Variants in LRCH2 observed in about 807,000 individuals in gnomAD.
LRCH2 encodes the protein leucine rich repeats and calponin homology domain containing 2.
LRCH2 carries 38 observed loss-of-function variants against 68.9 expected under a neutral mutation model. The observed-to-expected ratio is 0.55, with a 90% CI of 0.43 to 0.72. The LOEUF (loss-of-function observed/expected upper bound fraction) is 0.72, where lower values mean the gene tolerates loss of function less well. LRCH2 is among the 30% of genes least tolerant of loss of function. LRCH2 has a pLI of 0.00. For missense variants in LRCH2, 528 were observed against 572.9 expected (o/e 0.92, Z 0.80); for synonymous variants, 191 against 208.1 (o/e 0.92, Z 0.71).
chrX:115,214,551 T>A (rs1224744255), intron 1 of LRCH2, among the ~76,000 whole-genome samples: 1 of 112,269 alleles, frequency 8.9e-6, no homozygotes, highest in Non-Finnish European at 1.9e-5. Flanking sequence ...AATTAAAATT[T>A]TAACCATAAG....
rs782569379 is a variant in LRCH2 at position 115,113,226 on chromosome X, G to T, written c.2288C>A (p.Ser763Tyr). The change falls in exon 21 of 21, where the codon TCT (serine) becomes TAT (tyrosine). Residue 763 changes from serine to tyrosine, a missense_variant. Physicochemically the swap from Ser to Tyr is moderately radical, Grantham distance 144. Coordinates refer to ENST00000317135, the MANE Select transcript of LRCH2 (RefSeq NM_020871.4). ...TTTTAAAATGTTATATTAAGCCACA[G>T]AAAGCTGAGATGCCTTGGTTGTTGG... is the stretch of plus-strand genomic sequence containing the variant. ...ELPTTKASQLSVA is the reference protein window; with the variant it reads ...ELPTTKASQLYVA The T allele has an allele frequency of 3.4e-6, 4 of 1,191,440 alleles. No individual in the cohort carries two copies. The Admixed American group carries it at 8.9e-5, about 27-fold the overall frequency.
chrX:115,192,443 C>T, intron 1 of LRCH2: 1 of 1,168,198 alleles, frequency 8.6e-7, no homozygotes, highest in Non-Finnish European at 1.1e-6. Context: ...CACGACAGAT[C>T]CAGCAACAGT....
At chrX:115,190,756 T>G (rs1556558079) in intron 1 of LRCH2, 4 of 1,164,720 alleles carry the variant, frequency 3.4e-6, no homozygotes, top group Non-Finnish European at 4.6e-6. Context: ...CGGGGGCCGC[T>G]CCACTGATGC....
chrX:115,187,299 T>C (rs1271958827), intron 2 of LRCH2, among the ~76,000 whole-genome samples: 2 of 112,044 alleles, frequency 1.8e-5, no homozygotes, highest in Non-Finnish European at 3.8e-5. Flanking sequence ...TTTAGACAAG[T>C]AACTTGGTTA....
Position 115,233,956 on chromosome X carries a change from C to A in LRCH2, c.86G>T (p.Gly29Val), listed in dbSNP as rs1556579422. 4.3e-6 allele frequency: 5 copies of A among 1,164,406 alleles called. No homozygotes were observed. Among genetic ancestry groups the A allele is most frequent in the Non-Finnish European group, 5.7e-6 (5 of 871,417 alleles). The change falls in exon 1 of 21, where the codon GGA becomes GTA. Residue 29 changes from glycine to valine, a missense_variant. By Grantham distance (109) the Gly-to-Val change is moderately radical. Coordinates refer to ENST00000317135, the MANE Select transcript of LRCH2 (RefSeq NM_020871.4). Reference sequence around the variant, plus strand: ...CCCTCCAGCCCCGCCACCTCCCCCTCCAGCCGTGCCACAGCCACCGCTACT... The same window carrying A: ...CCCTCCAGCCCCGCCACCTCCCCCTACAGCCGTGCCACAGCCACCGCTACT... Reference protein sequence around the residue: ...GGSSGGCGTAGGGGGGAGGGG... With the variant: ...GGSSGGCGTAVGGGGGAGGGG...
intron 5 of LRCH2, among the ~76,000 whole-genome samples, chrX:115,174,874 G>A (rs2072635282): frequency 9.0e-6 from 1 of 111,373 alleles, no homozygotes; most frequent in South Asian, 3.8e-4. Context: ...ATGACTGGTG[G>A]CTGGGAGCTC....
At position 115,119,239 on chromosome X, in the gene LRCH2, G is replaced by A. The variant is rs2072112925; in HGVS notation, c.2178+3288C>T. 2.7e-5 allele frequency among the ~76,000 whole-genome samples: 3 copies of A among 110,196 alleles called. No homozygotes were observed. In the South Asian group the frequency reaches 1.2e-3, roughly 43 times the overall value. On this transcript the variant is annotated intron_variant, in intron 20 of 20. Coordinates refer to ENST00000317135, the MANE Select transcript of LRCH2 (RefSeq NM_020871.4). ...AGAGGAAGTCAAATTGTCCCTGTTT[G>A]CAGACCACATGATTGTATATCTAGA...
intron 1 of LRCH2, chrX:115,190,565 A>G: frequency 8.9e-7 from 1 of 1,124,154 alleles, no homozygotes; most frequent in Non-Finnish European, 1.2e-6. Flanking sequence ...AGTTCCAGTA[A>G]CGGTTACAGC....
chrX:115,191,713 G>C (rs1556559914), intron 1 of LRCH2: 1 of 1,162,615 alleles, frequency 8.6e-7, no homozygotes, highest in Non-Finnish European at 1.1e-6. Context: ...CCGCTTGCCT[G>C]ACGCCTACAG....
chrX:115,163,698 A>G lies in LRCH2; in HGVS notation c.1441T>C (p.Leu481=), dbSNP rs1556543092. The change falls in exon 11 of 21, where the codon TTG becomes CTG. Residue 481 remains leucine, a synonymous_variant. Coordinates refer to ENST00000317135, the MANE Select transcript of LRCH2 (RefSeq NM_020871.4). Reference sequence around the variant, plus strand: ...TACCTGTTCTTCTGTTCTTGCTGCAATAACTGAGCAGCTATTTTCCTCAAA... The same window carrying G: ...TACCTGTTCTTCTGTTCTTGCTGCAGTAACTGAGCAGCTATTTTCCTCAAA... ...TDLRKIAAQL[L]QQEQKNRILN... The G allele has an allele frequency of 3.3e-6, 4 of 1,196,371 alleles. No homozygotes were observed. The highest frequency in any genetic ancestry group is 6.0e-5 in the East Asian group (2 of 33,566).
intron 15 of LRCH2, among the ~76,000 whole-genome samples, chrX:115,129,184 A>T (rs2072222773): frequency 9.0e-6 from 1 of 111,468 alleles, no homozygotes. Flanking sequence ...GAGAGGCTTC[A>T]GCAGGTACAC....
chrX:115,112,993 T>C lies in LRCH2; in HGVS notation c.*223A>G, dbSNP rs1556523126. On this transcript the variant is annotated 3_prime_UTR_variant, in exon 21 of 21. Transcript: ENST00000317135. ...ATCAACTGACTTAGTAAAAAGAGAA[T>C]TTGAGTTTATCAAATACTCTTATTA... 3 of 252,589 alleles carry C rather than the reference T, an allele frequency of 1.2e-5. No individual in the cohort carries two copies. The highest frequency in any genetic ancestry group is 1.4e-5 in the Non-Finnish European group (2 of 140,927). 20.8% of individuals were successfully genotyped at this position (252,589 alleles called of 1,213,427 possible).
chrX:115,190,058 G>A (rs782365393), intron 1 of LRCH2: 3 of 1,154,934 alleles, frequency 2.6e-6, no homozygotes, highest in South Asian at 1.9e-5. Context: ...CCCCACAAGA[G>A]GGCTGTGCCC....
At chrX:115,113,600 A>C (rs1306129900) in intron 20 of LRCH2, among the ~76,000 whole-genome samples, 2 of 111,378 alleles carry the variant, frequency 1.8e-5, no homozygotes, top group African/African-American at 6.5e-5. Flanking sequence ...TTTATAAAAG[A>C]GTTGGTCACC....
rs1556526354 is a variant in LRCH2, at chrX:115,122,609, AAAGT to A, written c.2101-9_2101-6del. The A allele has an allele frequency of 4.2e-6, 5 of 1,202,674 alleles. No homozygotes were observed. The Admixed American group carries it at 1.1e-4, about 27-fold the overall frequency. ...TTTTGCCATGCTCAGTTTGGGCTGT[AAAGT>A]AAGAGGGAAAAAATGTACTTTTAGG... On this transcript the variant is annotated splice_region_variant and splice_polypyrimidine_tract_variant and intron_variant, in intron 19 of 20. Transcript: ENST00000317135.
At chrX:115,118,868 G>C (rs1428417593) in intron 20 of LRCH2, among the ~76,000 whole-genome samples, 3 of 110,449 alleles carry the variant, frequency 2.7e-5, no homozygotes, top group Non-Finnish European at 5.7e-5. Flanking sequence ...TTCAATATAC[G>C]CAAATCAATA....
chrX:115,187,468 T>C (rs1238061195), intron 2 of LRCH2, among the ~76,000 whole-genome samples: 1 of 112,278 alleles, frequency 8.9e-6, no homozygotes, highest in East Asian at 2.8e-4. Context: ...GGGTAAAAGC[T>C]ATGTATGAAT....
intron 11 of LRCH2, among the ~76,000 whole-genome samples, chrX:115,163,278 A>G (rs2072533455): frequency 8.9e-6 from 1 of 111,910 alleles, no homozygotes; most frequent in Admixed American, 9.5e-5. Flanking sequence ...CTTACAATGT[A>G]AATAATGCTA....
chrX:115,213,382 A>T (rs1000515291), intron 1 of LRCH2, among the ~76,000 whole-genome samples: 1 of 111,756 alleles, frequency 8.9e-6, no homozygotes, highest in Admixed American at 9.5e-5. Context: ...GATAGAGGCA[A>T]GCAAATTCTG....
Sources: allele counts gnomAD v4.1 joint callset (sites outside exome capture counted in the v4.1 genomes callset), GRCh38; gene constraint gnomAD v4.1.1; transcripts MANE v1.5; gene names NCBI Gene and HGNC (gene_info 2026-07-23, HGNC 2026-07-21).